Variants in EIF5B observed in about 807,000 individuals in gnomAD.
The protein encoded by EIF5B is eIF-5B.
A neutral mutation model predicts 147.5 loss-of-function variants in EIF5B; 47 were observed. The observed-to-expected ratio is 0.32, with a 90% CI of 0.25 to 0.41. The LOEUF (loss-of-function observed/expected upper bound fraction) is 0.41. EIF5B is among the 10% of genes least tolerant of loss of function. The probability of loss-of-function intolerance (pLI) is 1.00; values close to 1 mark genes in which losing one functional copy is unlikely to be tolerated. For synonymous variants in EIF5B, 455 were observed against 456.2 expected (o/e 1.00, Z 0.03); for missense variants, 1,064 against 1,413.2 (o/e 0.75, Z 3.96).
Position 99,393,644 on chromosome 2 carries a change from G to A in EIF5B, c.2880+546G>A, listed in dbSNP as rs775674848. On this transcript the variant is annotated intron_variant, in intron 18 of 23. Transcript: ENST00000289371. ...CCAGCACATGGCTCTTGTGTCCTGG[G>A]GCCGTGTTTATTATTTAGGCAGCAT... Among the ~76,000 whole-genome samples, 112 of 152,148 alleles carry A rather than the reference G, an allele frequency of 7.4e-4. 3 individuals are homozygous for A. Among genetic ancestry groups the A allele is most frequent in the Non-Finnish European group, 6.3e-4 (43 of 68,036 alleles).
chr2:99,366,522 A>G (rs6650790), intron 6 of EIF5B, among the ~76,000 whole-genome samples: 1,961 of 152,186 alleles, frequency 0.013, 43 homozygotes, highest in African/African-American at 0.045. Context: ...TGCACAACAC[A>G]CATCCATATA....
intron 1 of EIF5B, among the ~76,000 whole-genome samples, chr2:99,343,408 AATTTTGTTGAAGTCCAGTT>A (rs1156865970): frequency 6.6e-6 from 1 of 151,484 alleles, no homozygotes; most frequent in Non-Finnish European, 1.5e-5. Context: ...AAAAGTTTTA[AATTTTGTTGAAGTCCAGTT>A]TATTTTTGTT....
At chr2:99,381,325 A>G (rs945165261) in intron 12 of EIF5B, among the ~76,000 whole-genome samples, 2 of 152,174 alleles carry the variant, frequency 1.3e-5, no homozygotes, top group African/African-American at 4.8e-5. Context: ...TAACCTTTAT[A>G]TGACAATTGT....
chr2:99,343,146 C>A (rs1428037400), intron 1 of EIF5B, among the ~76,000 whole-genome samples: 2 of 151,114 alleles, frequency 1.3e-5, no homozygotes, highest in African/African-American at 2.4e-5. Flanking sequence ...AGTAGAGATG[C>A]GGTTTCACCA....
rs530695714 is a variant in EIF5B, at chr2:99,382,215, T to C, written c.2118T>C (p.His706=). 1.4e-5 allele frequency: 23 copies of C among 1,613,118 alleles called. No individual in the cohort carries two copies. In the East Asian group the frequency reaches 4.9e-4, roughly 34 times the overall value. Residue 706 remains histidine, a synonymous_variant, in exon 13 of 24, where the codon CAT becomes CAC. Coordinates refer to ENST00000289371, the MANE Select transcript of EIF5B (RefSeq NM_015904.4). ...PGMLIIDTPG[H]ESFSNLRNRG... ...TGCTAATTATTGATACTCCTGGGCA[T>C]GAATCTTTCAGGTAAGAGCAATTTG...
At chr2:99,344,758 G>A (rs538370116) in intron 1 of EIF5B, among the ~76,000 whole-genome samples, 3 of 152,210 alleles carry the variant, frequency 2.0e-5, no homozygotes, top group African/African-American at 4.8e-5. Flanking sequence ...TTTGATTACT[G>A]TGGTGTGAAT....
chr2:99,380,489 G>T (rs1674666251), intron 12 of EIF5B, among the ~76,000 whole-genome samples: 1 of 152,188 alleles, frequency 6.6e-6, no homozygotes, highest in Non-Finnish European at 1.5e-5. Context: ...ATACAATTCT[G>T]GTTGTCCTAG....
rs749476006 is a variant in EIF5B, at chr2:99,360,530, G to A, written c.227G>A (p.Arg76Lys). 1.9e-6 allele frequency: 3 copies of A among 1,613,556 alleles called. No homozygotes were observed. Among genetic ancestry groups the A allele is most frequent in the South Asian group, 2.2e-5 (2 of 90,894 alleles). ...GAAGCTCAAGGCATCAAAGCTGACA[G>A]AGAAACTGTTGCAGTGAAGGTGAAA... ...SLEAQGIKAD[R>K]ETVAVKPTEN... The change falls in exon 3 of 24, where the codon AGA becomes AAA. Residue 76 changes from arginine to lysine, a missense_variant. Arg to Lys is a conservative substitution (Grantham distance 26). Transcript: ENST00000289371.
intron 5 of EIF5B, among the ~76,000 whole-genome samples, 199 bp from the exon 6 acceptor site, chr2:99,364,072 T>A (rs1674276276): frequency 1.3e-5 from 2 of 152,214 alleles, no homozygotes. Context: ...CATAAGTTGC[T>A]TATGTATCAT....
At chr2:99,384,894 A>G (rs1005646877) in intron 14 of EIF5B, among the ~76,000 whole-genome samples, 1 of 152,194 alleles carries the variant, frequency 6.6e-6, no homozygotes, top group Non-Finnish European at 1.5e-5. Flanking sequence ...TGGTGAGGGT[A>G]TTGTGAACAT....
chr2:99,382,251 C>T (rs752587868), intron 13 of EIF5B, 25 bp downstream of exon 13: 3 of 1,598,966 alleles, frequency 1.9e-6, no homozygotes, highest in Middle Eastern at 1.7e-4. Context: ...AGTCTTTTCT[C>T]ATCAAGCAAT....
chr2:99,362,283 A>G (rs1279452822), intron 4 of EIF5B, among the ~76,000 whole-genome samples: 2 of 152,224 alleles, frequency 1.3e-5, no homozygotes, highest in African/African-American at 2.4e-5. Flanking sequence ...AGTGTCTTTT[A>G]AGCAATAATG....
intron 9 of EIF5B, among the ~76,000 whole-genome samples, chr2:99,373,335 T>C (rs969867265): frequency 2.0e-5 from 3 of 152,200 alleles, no homozygotes; most frequent in East Asian, 1.9e-4. Context: ...GGCACCAGCA[T>C]TGGTGCCTGG....
rs1389676409 is a variant in EIF5B, at chr2:99,400,912, GT to G, written c.*1503del. On this transcript the variant is annotated 3_prime_UTR_variant, in exon 24 of 24. Coordinates refer to ENST00000289371, the MANE Select transcript of EIF5B (RefSeq NM_015904.4). ...AACAGTAGTTGCTTCCTAGAGTTGA[GT>G]TTTTAAGGATTCACAAAAAGGAGCC... 6.1e-6 allele frequency: 1 copy of G among 164,298 alleles called. No individual in the cohort carries two copies. Among genetic ancestry groups the G allele is most frequent in the Non-Finnish European group, 1.3e-5 (1 of 75,704 alleles). The allele number at this position is 164,298 out of a possible 1,614,324, so 10.2% of individuals were successfully genotyped here.
chr2:99,392,610 C>T (rs1440847922), intron 17 of EIF5B, among the ~76,000 whole-genome samples: 1 of 152,086 alleles, frequency 6.6e-6, no homozygotes, highest in Non-Finnish European at 1.5e-5. Flanking sequence ...AATTGTTAAC[C>T]TGGTTGGTCA....
intron 22 of EIF5B, 47 bp from the exon 23 acceptor site, chr2:99,398,701 T>A (rs1366663537): frequency 6.4e-7 from 1 of 1,559,970 alleles, no homozygotes; most frequent in Non-Finnish European, 8.7e-7. Context: ...CGCCTGTGAT[T>A]GGCATGAATT....
At chr2:99,382,077 T>C in intron 12 of EIF5B, 82 bp from the exon 13 acceptor site, 1 of 1,234,382 alleles carries the variant, frequency 8.1e-7, no homozygotes, top group Middle Eastern at 2.7e-4. Flanking sequence ...ACTTTCAGAG[T>C]TTTATGGCAA....
chr2:99,360,261 G>T lies in EIF5B; in HGVS notation c.61G>T (p.Ala21Ser). The T allele has an allele frequency of 6.2e-7, 1 of 1,606,416 alleles. No individual in the cohort carries two copies. The highest frequency in any genetic ancestry group is 8.5e-7 in the Non-Finnish European group (1 of 1,177,882). The change falls in exon 2 of 24, where the codon GCC (alanine) becomes TCC (serine). Residue 21 changes from alanine (A) to serine (S), a missense_variant. Ala to Ser is a moderately conservative substitution (Grantham distance 99). Transcript: ENST00000289371. Reference protein sequence around the residue: ...DSTKDDIDLDALAAEIEGAGA... With the variant: ...DSTKDDIDLDSLAAEIEGAGA... The stretch of plus-strand genomic sequence containing the variant: ...CACCAAGGATGACATTGATCTTGAT[G>T]CCTTGGCTGCAGAAATAGAAGGAGC...
intron 1 of EIF5B, among the ~76,000 whole-genome samples, chr2:99,341,894 T>G (rs2094260462): frequency 6.6e-6 from 1 of 152,196 alleles, no homozygotes; most frequent in African/African-American, 2.4e-5. Flanking sequence ...ATCTGCAGCA[T>G]CATCACACAT....
Sources: allele counts gnomAD v4.1 joint callset (sites outside exome capture counted in the v4.1 genomes callset), GRCh38; gene constraint gnomAD v4.1.1; transcripts MANE v1.5; gene names NCBI Gene and HGNC (gene_info 2026-07-23, HGNC 2026-07-21).